Variants in DLGAP2 observed in about 807,000 individuals in gnomAD.
DLGAP2 encodes the protein disks large-associated protein 2.
DLGAP2 carries 26 observed loss-of-function variants against 100.3 expected under a neutral mutation model. The observed-to-expected ratio is 0.26, with a 90% CI of 0.19 to 0.36. The LOEUF is 0.36. Among genes scored for constraint, DLGAP2 ranks in the 10% least tolerant of loss-of-function variants. DLGAP2 has a pLI of 1.00. For synonymous variants in DLGAP2, 886 were observed against 630.1 expected (o/e 1.41, Z -6.08); for missense variants, 1,858 against 1,453.2 (o/e 1.28, Z -4.53).
rs144438064 is a variant in DLGAP2 at position 1,190,492 on chromosome 8, G to A, written c.74-68359G>A. On this transcript the variant is annotated intron_variant, in intron 2 of 14. Transcript: ENST00000637795. ...CACTTGGTGCCGGGCAATCTTTCCC[G>A]GCAGCATCTCATGCAGGAGGCACCC... is the stretch of plus-strand genomic sequence containing the variant. 5.5e-3 allele frequency among the ~76,000 whole-genome samples: 844 copies of A among 152,174 alleles called. 4 individuals are homozygous for A. Among genetic ancestry groups the A allele is most frequent in the African/African-American group, 0.02 (814 of 41,520 alleles).
intron 8 of DLGAP2, among the ~76,000 whole-genome samples, chr8:1,654,515 G>A (rs1436060270): frequency 6.6e-6 from 1 of 152,018 alleles, no homozygotes; most frequent in Non-Finnish European, 1.5e-5. Context: ...TACAAAATTA[G>A]CCAGGCATGG....
intron 3 of DLGAP2, among the ~76,000 whole-genome samples, chr8:1,447,931 T>C (rs1378500287): frequency 6.6e-6 from 1 of 152,254 alleles, no homozygotes; most frequent in African/African-American, 2.4e-5. Context: ...TCGGTGGTGA[T>C]ATCCCCTTTA....
chr8:1,270,660 G>GTGTCTCTGTGTGTGTCTCTCTATTTA (rs1799563041), intron 3 of DLGAP2, among the ~76,000 whole-genome samples: 5 of 151,576 alleles, frequency 3.3e-5, no homozygotes, highest in Admixed American at 2.6e-4. Context: ...TTAAAATTGT[G>GTGTCTCTGTGTGTGTCTCTCTATTTA]TGTCTCTGTG....
intron 3 of DLGAP2, chr8:1,373,571 GATC>G (rs1802306988): frequency 6.6e-6 from 1 of 152,240 alleles, no homozygotes; most frequent in Admixed American, 6.5e-5. Context: ...CGTTCAGTGA[GATC>G]ATTTCACCAG....
chr8:1,671,536 G>A (rs77145145), intron 10 of DLGAP2, among the ~76,000 whole-genome samples: 18,511 of 152,224 alleles, frequency 0.12, 1,533 homozygotes, highest in East Asian at 0.41. Flanking sequence ...GTCCCGGGGT[G>A]GGGGGTCCTG....
At chr8:960,252 T>TTTTTTTTTTTTTTTTTTTTTTTTTTTC (rs369284313) in intron 2 of DLGAP2, among the ~76,000 whole-genome samples, 1 of 142,018 alleles carries the variant, frequency 7.0e-6, no homozygotes, top group African/African-American at 2.8e-5. Context: ...TTTTTTTTTT[T>TTTTTTTTTTTTTTTTTTTTTTTTTTTC]CCCGAGACAC....
At chr8:1,268,812 G>C (rs893082712) in intron 3 of DLGAP2, among the ~76,000 whole-genome samples, 2 of 152,142 alleles carry the variant, frequency 1.3e-5, no homozygotes, top group African/African-American at 4.8e-5. Flanking sequence ...GCATTGTTCT[G>C]GGGTCTCACT....
At chr8:1,326,298 C>A (rs1316177268) in intron 3 of DLGAP2, among the ~76,000 whole-genome samples, 2 of 152,184 alleles carry the variant, frequency 1.3e-5, no homozygotes, top group Non-Finnish European at 1.5e-5. Context: ...TTCACTATTG[C>A]ACATATATTT....
chr8:1,505,072 A>G (rs555159501), intron 4 of DLGAP2, among the ~76,000 whole-genome samples: 1 of 152,342 alleles, frequency 6.6e-6, no homozygotes, highest in African/African-American at 2.4e-5. Context: ...ACACTATCAT[A>G]ACAACATTGG....
intron 3 of DLGAP2, among the ~76,000 whole-genome samples, chr8:1,496,269 A>T (rs937094132): frequency 6.6e-6 from 1 of 151,522 alleles, no homozygotes; most frequent in Non-Finnish European, 1.5e-5. Flanking sequence ...TCTACATGAG[A>T]CATTGCGGTG....
chr8:1,277,554 A>G (rs1198308922), intron 3 of DLGAP2, among the ~76,000 whole-genome samples: 1 of 152,238 alleles, frequency 6.6e-6, no homozygotes, highest in East Asian at 1.9e-4. Flanking sequence ...CTGTCTTGGT[A>G]TCCAAGTATT....
chr8:1,071,251 T>C (rs1488867865), intron 2 of DLGAP2, among the ~76,000 whole-genome samples: 1 of 152,206 alleles, frequency 6.6e-6, no homozygotes, highest in African/African-American at 2.4e-5. Flanking sequence ...AGCATTAAGT[T>C]AGACTACACT....
At chr8:1,605,452 G>T (rs1305640336) in intron 6 of DLGAP2, among the ~76,000 whole-genome samples, 1 of 152,204 alleles carries the variant, frequency 6.6e-6, no homozygotes, top group African/African-American at 2.4e-5. Flanking sequence ...GGAAGCAGAT[G>T]ATCACAAGAG....
chr8:1,105,455 G>T (rs971049031), intron 2 of DLGAP2, among the ~76,000 whole-genome samples: 1 of 152,060 alleles, frequency 6.6e-6, no homozygotes, highest in Non-Finnish European at 1.5e-5. Flanking sequence ...CCCTAACATG[G>T]TTCTGGTCCG....
At chr8:1,541,868 G>T (rs1187954485) in intron 4 of DLGAP2, among the ~76,000 whole-genome samples, 1 of 152,212 alleles carries the variant, frequency 6.6e-6, no homozygotes, top group Non-Finnish European at 1.5e-5. Flanking sequence ...GTGTACAATG[G>T]AATGATGGAA....
intron 4 of DLGAP2, among the ~76,000 whole-genome samples, chr8:1,539,362 G>C (rs1051120430): frequency 6.6e-6 from 1 of 152,142 alleles, no homozygotes; most frequent in Non-Finnish European, 1.5e-5. Flanking sequence ...TGAGGACTCC[G>C]AAGAGGAAAA....
intron 1 of DLGAP2, among the ~76,000 whole-genome samples, chr8:750,924 C>T (rs1011707714): frequency 7.9e-5 from 12 of 152,354 alleles, no homozygotes; most frequent in Admixed American, 2.6e-4. Context: ...CACTGGGCCC[C>T]GGCTCGTTTT....
Position 1,434,601 on chromosome 8 carries a change from C to T in DLGAP2, c.107-66765C>T, listed in dbSNP as rs545673810. Reference sequence around the variant, plus strand: ...AAGCAATCCTCCCACTTCAAGTTCCCGAGTAGCTGGGACTACAGGCGTGCG... The same window carrying T: ...AAGCAATCCTCCCACTTCAAGTTCCTGAGTAGCTGGGACTACAGGCGTGCG... On this transcript the variant is annotated intron_variant, in intron 3 of 14. Coordinates refer to ENST00000637795, the MANE Select transcript of DLGAP2 (RefSeq NM_001346810.2). 1.2e-3 allele frequency among the ~76,000 whole-genome samples: 187 copies of T among 152,272 alleles called. 2 individuals carry two copies. Among genetic ancestry groups the T allele is most frequent in the Non-Finnish European group, 2.2e-4 (15 of 68,018 alleles).
intron 2 of DLGAP2, among the ~76,000 whole-genome samples, chr8:1,235,437 A>G (rs1181426518): frequency 6.6e-6 from 1 of 151,488 alleles, no homozygotes; most frequent in African/African-American, 2.4e-5. Context: ...TCCCTCACAC[A>G]TGGCGTCGTG....
Sources: allele counts gnomAD v4.1 joint callset (sites outside exome capture counted in the v4.1 genomes callset), GRCh38; gene constraint gnomAD v4.1.1; transcripts MANE v1.5; gene names NCBI Gene and HGNC (gene_info 2026-07-23, HGNC 2026-07-21).